DNAH6: variants seen among roughly 807,000 people sequenced by gnomAD.
DNAH6 encodes dynein axonemal heavy chain 6.
In DNAH6, 340 loss-of-function variants were observed where a neutral mutation model predicts 491.4. That is an observed-to-expected ratio of 0.69 (90% CI 0.63 to 0.76). DNAH6 has a LOEUF of 0.76. DNAH6 is among the 30% of genes least tolerant of loss of function. DNAH6 has a pLI of 0.00. For missense variants in DNAH6, 4,443 were observed against 4,972.2 expected, an observed-to-expected ratio of 0.89 and a Z score of 3.20; for synonymous variants, 1,603 against 1,686.1, an observed-to-expected ratio of 0.95 and a Z score of 1.21.
chr2:84,507,466 G>T, the DNAH6 span, among the ~76,000 whole-genome samples: 1 of 152,152 alleles, frequency 6.6e-6, no homozygotes, highest in Non-Finnish European at 1.5e-5. Context: ...GAGATTTTGG[G>T]CTGAGACGAT....
chr2:84,764,902 T>C (rs927389935), intron 64 of DNAH6, among the ~76,000 whole-genome samples: 2 of 152,090 alleles, frequency 1.3e-5, no homozygotes, highest in African/African-American at 4.8e-5. Context: ...AGAAACATTG[T>C]TTGTAATAAT....
chr2:84,782,221 G>A (rs944359269), intron 65 of DNAH6, among the ~76,000 whole-genome samples: 5 of 152,062 alleles, frequency 3.3e-5, no homozygotes, highest in African/African-American at 9.7e-5. Flanking sequence ...GAGAGGAAGT[G>A]GAATTAGAAT....
At chr2:84,606,615 A>G (rs568753102) in intron 20 of DNAH6, among the ~76,000 whole-genome samples, 1 of 152,316 alleles carries the variant, frequency 6.6e-6, no homozygotes, top group East Asian at 1.9e-4. Flanking sequence ...CCAGTATATG[A>G]TATTTTGAGA....
At chr2:84,653,980 T>C in intron 34 of DNAH6, 106 bp downstream of exon 34, 1 of 898,276 alleles carries the variant, frequency 1.1e-6, no homozygotes, top group Non-Finnish European at 1.6e-6. Context: ...TAATGTCTAT[T>C]ATTGTGTTCT....
At chr2:84,542,144 C>G (rs773304865) in intron 4 of DNAH6, among the ~76,000 whole-genome samples, 60 of 152,158 alleles carry the variant, frequency 3.9e-4, no homozygotes, top group Non-Finnish European at 8.2e-4. Flanking sequence ...CTACCATCTT[C>G]TAGAAGGGCC....
At chr2:84,501,959 A>G in the DNAH6 span, among the ~76,000 whole-genome samples, 3 of 151,614 alleles carry the variant, frequency 2.0e-5, no homozygotes, top group Non-Finnish European at 4.4e-5. Context: ...ACTTTTGTTT[A>G]ACTTTTCAAA....
intron 17 of DNAH6, among the ~76,000 whole-genome samples, chr2:84,594,302 A>G (rs912011627): frequency 6.6e-6 from 1 of 152,274 alleles, no homozygotes; most frequent in Non-Finnish European, 1.5e-5. Context: ...TTAGAAGGCT[A>G]CATAGTGGAA....
chr2:84,637,004 G>A (rs1012032405), intron 30 of DNAH6, among the ~76,000 whole-genome samples: 4 of 152,156 alleles, frequency 2.6e-5, no homozygotes, highest in Non-Finnish European at 5.9e-5. Context: ...TCAGGTGCAG[G>A]GAGACAGAAA....
At chr2:84,819,161 G>A (rs1680788064) in intron 76 of DNAH6, 144 bp from the exon 77 acceptor site, 1 of 557,378 alleles carries the variant, frequency 1.8e-6, no homozygotes, top group Non-Finnish European at 3.2e-6. Flanking sequence ...GCATAAAACA[G>A]ACCCATAAAG....
intron 64 of DNAH6, among the ~76,000 whole-genome samples, chr2:84,765,291 G>C (rs927116586): frequency 2.0e-5 from 3 of 152,070 alleles, no homozygotes; most frequent in Non-Finnish European, 4.4e-5. Context: ...TGAAGGCTCA[G>C]ATCATGTAGA....
chr2:84,797,769 T>G, intron 70 of DNAH6, 111 bp downstream of exon 70: 1 of 986,398 alleles, frequency 1.0e-6, no homozygotes, highest in Non-Finnish European at 1.5e-6. Context: ...AATAAACAAA[T>G]AAAATAATTG....
At chr2:84,605,449 G>A (rs990419574) in intron 19 of DNAH6, 51 bp from the exon 20 acceptor site, 2 of 1,218,552 alleles carry the variant, frequency 1.6e-6, no homozygotes, top group Non-Finnish European at 2.4e-6. Flanking sequence ...CATTTATTGA[G>A]TATCTAAACA....
At chr2:84,809,226 A>G (rs924794600) in intron 72 of DNAH6, among the ~76,000 whole-genome samples, 1 of 152,242 alleles carries the variant, frequency 6.6e-6, no homozygotes, top group Non-Finnish European at 1.5e-5. Context: ...AATAACTATT[A>G]GAAAATATTG....
intron 63 of DNAH6, among the ~76,000 whole-genome samples, chr2:84,745,799 G>T (rs1672921944): frequency 6.6e-6 from 1 of 152,150 alleles, no homozygotes; most frequent in Non-Finnish European, 1.5e-5. Flanking sequence ...AGAGTACCGT[G>T]CTCTCTGCTG....
intron 23 of DNAH6, among the ~76,000 whole-genome samples, chr2:84,618,318 G>A (rs1573240613): frequency 1.3e-5 from 2 of 152,212 alleles, no homozygotes; most frequent in East Asian, 3.9e-4. Flanking sequence ...GAAAACCAAG[G>A]ATAAAATCCC....
At chr2:84,631,588 T>C (rs746289794) in intron 29 of DNAH6, among the ~76,000 whole-genome samples, 37 of 152,004 alleles carry the variant, frequency 2.4e-4, no homozygotes, top group Non-Finnish European at 4.6e-4. Flanking sequence ...AATGTAGATA[T>C]AGATACACAG....
intron 60 of DNAH6, among the ~76,000 whole-genome samples, chr2:84,725,784 A>G (rs756264258): frequency 7.2e-5 from 11 of 152,182 alleles, no homozygotes; most frequent in African/African-American, 2.7e-4. Flanking sequence ...CCCATTTCAC[A>G]GTGAAATTCT....
Position 84,694,384 on chromosome 2 carries a change from A to G in DNAH6, c.7428A>G (p.Gly2476=). ...YKCLQIELSR[G]YNYDSFHEDL... ...GTTTGCAGATTGAACTCAGCCGGGG[A>G]TATAATTATGATAGTTTTCATGAAG... The change falls in exon 46 of 77, where the codon GGA becomes GGG. Residue 2476 remains glycine (G), a synonymous_variant. Coordinates refer to ENST00000389394, the MANE Select transcript of DNAH6 (RefSeq NM_001370.2). 2 of 1,552,352 alleles carry G rather than the reference A, an allele frequency of 1.3e-6. No homozygotes were observed. The highest frequency in any genetic ancestry group is 1.7e-6 in the Non-Finnish European group (2 of 1,147,124).
intron 9 of DNAH6, 108 bp from the exon 10 acceptor site, chr2:84,552,810 G>T (rs1295956759): frequency 5.6e-6 from 3 of 531,772 alleles, no homozygotes; most frequent in African/African-American, 2.0e-5. Context: ...CCAAGATAAT[G>T]AATTCAGCTA....
Sources: gnomAD v4.1 joint callset for allele counts (sites outside exome capture counted in the v4.1 genomes callset) on GRCh38, gnomAD v4.1.1 for gene constraint, MANE v1.5 for transcripts, NCBI Gene and HGNC (gene_info 2026-07-23, HGNC 2026-07-21) for gene names.